Variants in MYRIP observed in about 807,000 individuals in gnomAD.
The protein encoded by MYRIP is rab effector MyRIP.
MYRIP carries 49 observed loss-of-function variants against 98.0 expected under a neutral mutation model. The ratio of observed to expected loss-of-function variants is 0.50; its 90% CI spans 0.40 to 0.63. The LOEUF (loss-of-function observed/expected upper bound fraction) is 0.63, where lower values mean the gene tolerates loss of function less well. Among genes scored for constraint, MYRIP ranks in the 30% least tolerant of loss-of-function variants. The pLI is 0.00. For missense variants in MYRIP, 1,004 were observed against 1,058.2 expected (o/e 0.95, Z 0.71); for synonymous variants, 404 against 409.5 (o/e 0.99, Z 0.16).
At chr3:40,190,681 G>C (rs1289687131) in intron 10 of MYRIP, among the ~76,000 whole-genome samples, 1 of 152,166 alleles carries the variant, frequency 6.6e-6, no homozygotes, top group East Asian at 1.9e-4. Flanking sequence ...TTCAAAGTGT[G>C]GTTTGTGAGT....
chr3:39,923,418 G>C (rs1388687890), intron 2 of MYRIP, among the ~76,000 whole-genome samples: 1 of 151,820 alleles, frequency 6.6e-6, no homozygotes, highest in African/African-American at 2.4e-5. Flanking sequence ...TGAAAACAGA[G>C]AAAAATGATA....
intron 2 of MYRIP, among the ~76,000 whole-genome samples, chr3:40,034,988 C>T (rs1343700697): frequency 1.3e-5 from 2 of 148,422 alleles, no homozygotes; most frequent in East Asian, 4.0e-4. Context: ...AAACCAAACA[C>T]CGCATGTTCT....
At chr3:40,107,069 T>C (rs916339919) in intron 3 of MYRIP, among the ~76,000 whole-genome samples, 1 of 152,260 alleles carries the variant, frequency 6.6e-6, no homozygotes, top group African/African-American at 2.4e-5. Flanking sequence ...CAATAGATTA[T>C]GCTAGTATTG....
chr3:39,878,601 T>C (rs1242528453), intron 1 of MYRIP, among the ~76,000 whole-genome samples: 1 of 152,180 alleles, frequency 6.6e-6, no homozygotes, highest in East Asian at 1.9e-4. Context: ...TACATTTGTA[T>C]GTATAGACAT....
intron 12 of MYRIP, among the ~76,000 whole-genome samples, chr3:40,240,581 C>T (rs938317681): frequency 6.6e-6 from 1 of 152,192 alleles, no homozygotes; most frequent in South Asian, 2.1e-4. Flanking sequence ...TGCGCTTTTC[C>T]GATGGGCTTA....
chr3:39,817,769 A>G (rs935034910), intron 1 of MYRIP, among the ~76,000 whole-genome samples: 1 of 152,180 alleles, frequency 6.6e-6, no homozygotes, highest in African/African-American at 2.4e-5. Context: ...GGTTCTAAGA[A>G]CTAGTGTAAA....
At chr3:40,127,269 A>G (rs961137910) in intron 3 of MYRIP, among the ~76,000 whole-genome samples, 19 of 152,342 alleles carry the variant, frequency 1.2e-4, no homozygotes, top group Admixed American at 2.0e-4. Context: ...ATGATGCCTC[A>G]TATAACTCTG....
Position 39,895,917 on chromosome 3 carries a change from GT to G in MYRIP, c.-30-4869del, listed in dbSNP as rs1553643308. Among the ~76,000 whole-genome samples, 3 of 28,222 alleles carry G rather than the reference GT, an allele frequency of 1.1e-4. No homozygotes were observed. The African/African-American group carries it at 1.9e-3, about 18-fold the overall frequency. The allele number at this position is 28,222 out of a possible 152,430, so 18.5% of individuals were successfully genotyped here. A position where few individuals can be genotyped will look rare whatever the true frequency, so the allele number is the denominator to read the frequency against. ...AGAAAAACTCGTGTGTGTGTGTGTG[GT>G]GTGTGTGTGTGTGTGTGTGCGCGTG... On this transcript the variant is annotated intron_variant, in intron 1 of 16. Coordinates refer to ENST00000302541, the MANE Select transcript of MYRIP (RefSeq NM_015460.4).
intron 2 of MYRIP, among the ~76,000 whole-genome samples, chr3:39,971,014 A>T (rs1485627329): frequency 6.6e-6 from 1 of 152,140 alleles, no homozygotes; most frequent in African/African-American, 2.4e-5. Context: ...AGGAGTAACT[A>T]TCAAAGAGGT....
chr3:40,221,436 G>C (rs911732002), intron 11 of MYRIP, among the ~76,000 whole-genome samples: 4 of 152,164 alleles, frequency 2.6e-5, no homozygotes, highest in African/African-American at 9.7e-5. Flanking sequence ...TTTGAGACCA[G>C]CTTGGGCGAT....
At chr3:40,061,382 T>C (rs1171338968) in intron 3 of MYRIP, among the ~76,000 whole-genome samples, 1 of 152,224 alleles carries the variant, frequency 6.6e-6, no homozygotes, top group Admixed American at 6.5e-5. Context: ...ATAGCCTCCA[T>C]CTCCACTCAT....
intron 2 of MYRIP, among the ~76,000 whole-genome samples, chr3:39,982,348 G>A (rs1158654523): frequency 6.6e-6 from 1 of 152,254 alleles, no homozygotes; most frequent in Non-Finnish European, 1.5e-5. Context: ...ATGTATGTAC[G>A]ATGAGAAATT....
chr3:40,000,230 T>C (rs1217093572), intron 2 of MYRIP, among the ~76,000 whole-genome samples: 1 of 152,162 alleles, frequency 6.6e-6, no homozygotes, highest in Non-Finnish European at 1.5e-5. Context: ...TAAATGTAGA[T>C]TAATAAATGT....
At chr3:39,907,689 A>T (rs952507832) in intron 2 of MYRIP, among the ~76,000 whole-genome samples, 2 of 152,214 alleles carry the variant, frequency 1.3e-5, no homozygotes, top group Admixed American at 1.3e-4. Flanking sequence ...TCTAAGTAAT[A>T]GAGTTTTTGA....
At chr3:39,874,465 T>C (rs201374451) in intron 1 of MYRIP, among the ~76,000 whole-genome samples, 7,692 of 152,148 alleles carry the variant, frequency 0.051, 225 homozygotes, top group African/African-American at 0.065. Flanking sequence ...CAGTATGATA[T>C]TGGCTGTGGG....
chr3:40,129,310 G>C (rs1035186690), intron 3 of MYRIP, among the ~76,000 whole-genome samples: 4 of 150,886 alleles, frequency 2.7e-5, no homozygotes, highest in African/African-American at 4.9e-5. Context: ...GCATAGTGGG[G>C]GGCGCCTGTA....
At chr3:39,875,751 T>A (rs1321949512) in intron 1 of MYRIP, among the ~76,000 whole-genome samples, 1 of 151,452 alleles carries the variant, frequency 6.6e-6, no homozygotes, top group Non-Finnish European at 1.5e-5. Flanking sequence ...GAGGAGAGCT[T>A]TACTTCCAAC....
intron 2 of MYRIP, among the ~76,000 whole-genome samples, chr3:39,921,559 A>G (rs1289706432): frequency 1.3e-5 from 2 of 152,194 alleles, no homozygotes; most frequent in Non-Finnish European, 2.9e-5. Flanking sequence ...GTGGGAAGTT[A>G]TACCCCAACT....
intron 2 of MYRIP, among the ~76,000 whole-genome samples, chr3:39,960,608 G>C (rs992774363): frequency 1.3e-5 from 2 of 152,092 alleles, no homozygotes; most frequent in Non-Finnish European, 1.5e-5. Context: ...TATTTCTACA[G>C]TTAAACTAGC....
Sources: gnomAD v4.1 joint callset for allele counts (sites outside exome capture counted in the v4.1 genomes callset) on GRCh38, gnomAD v4.1.1 for gene constraint, MANE v1.5 for transcripts, NCBI Gene and HGNC (gene_info 2026-07-23, HGNC 2026-07-21) for gene names.